NRXN3: variants seen among roughly 807,000 people sequenced by gnomAD.
The protein encoded by NRXN3 is neurexin 3.
Under a neutral mutation model 137.6 loss-of-function variants are expected in NRXN3, and 32 were observed. The observed-to-expected ratio is 0.23, with a 90% CI of 0.18 to 0.31. The LOEUF (loss-of-function observed/expected upper bound fraction) is 0.31. Ranked by LOEUF, NRXN3 falls within the 10% of genes least tolerant of loss-of-function variation. NRXN3 has a pLI of 1.00. For synonymous variants in NRXN3, 798 were observed against 784.5 expected (o/e 1.02, Z -0.29); for missense variants, 1,574 against 2,062.5 (o/e 0.76, Z 4.59).
intron 15 of NRXN3, among the ~76,000 whole-genome samples, chr14:79,102,425 G>A (rs762503110): frequency 1.3e-5 from 2 of 152,094 alleles, no homozygotes; most frequent in Non-Finnish European, 2.9e-5. Flanking sequence ...AAACTTCCTG[G>A]CCTCCTGACT....
chr14:78,217,535 T>G (rs1418049823), intron 1 of NRXN3, among the ~76,000 whole-genome samples: 1 of 152,226 alleles, frequency 6.6e-6, no homozygotes, highest in African/African-American at 2.4e-5. Flanking sequence ...AAGAGAAGAA[T>G]AATCATGATA....
At chr14:78,508,984 A>T (rs2096054149) in intron 4 of NRXN3, among the ~76,000 whole-genome samples, 1 of 152,178 alleles carries the variant, frequency 6.6e-6, no homozygotes, top group Non-Finnish European at 1.5e-5. Context: ...AAGTGTAAAA[A>T]ATATCATATT....
chr14:78,290,760 C>T (rs1265744375), intron 3 of NRXN3, among the ~76,000 whole-genome samples: 1 of 152,214 alleles, frequency 6.6e-6, no homozygotes, highest in African/African-American at 2.4e-5. Flanking sequence ...CAGACTTCTT[C>T]AGTCTGCATG....
chr14:78,190,652 T>TTTATTTATTTATTTAC (rs1295446008), intron 1 of NRXN3, among the ~76,000 whole-genome samples: 103 of 67,458 alleles, frequency 1.5e-3, no homozygotes, highest in African/African-American at 5.8e-3. Flanking sequence ...TATTTATTTA[T>TTTATTTATTTATTTAC]TTACTTACTT....
chr14:79,797,133 A>C (rs1418186544), intron 19 of NRXN3, among the ~76,000 whole-genome samples: 1 of 152,216 alleles, frequency 6.6e-6, no homozygotes, highest in Non-Finnish European at 1.5e-5. Flanking sequence ...AAATAAAATC[A>C]TATATTCAGA....
In NRXN3 at chr14:78,456,847, TTC is replaced by T. The variant is rs1491427111; in HGVS notation, c.757+158989_757+158990del. ...TTTCTTTCTTTCTTTCTTTCTTTCT[TTC>T]TTTCTTTTTCTCTTTCTTTCTTTCT... On this transcript the variant is annotated intron_variant, in intron 4 of 20. Transcript: ENST00000335750. 1.4e-3 allele frequency among the ~76,000 whole-genome samples: 188 copies of T among 133,728 alleles called. 1 individual carries two copies. The highest frequency in any genetic ancestry group is 0.012 in the East Asian group (55 of 4,494). 87.7% of individuals were successfully genotyped at this position (133,728 alleles called of 152,430 possible).
chr14:78,657,056 A>T (rs1343423302), intron 6 of NRXN3, among the ~76,000 whole-genome samples: 1 of 150,368 alleles, frequency 6.7e-6, no homozygotes, highest in Non-Finnish European at 1.5e-5. Context: ...CAAAAAAAAA[A>T]AAAAAAAAAA....
At chr14:79,225,807 T>G (rs2070752990) in intron 15 of NRXN3, among the ~76,000 whole-genome samples, 1 of 152,182 alleles carries the variant, frequency 6.6e-6, no homozygotes, top group South Asian at 2.1e-4. Flanking sequence ...TTCTTGTGGT[T>G]GAAGGATGGA....
intron 16 of NRXN3, among the ~76,000 whole-genome samples, chr14:79,582,974 C>G (rs1331661417): frequency 6.6e-6 from 1 of 152,100 alleles, no homozygotes; most frequent in Non-Finnish European, 1.5e-5. Flanking sequence ...TCCTTCAGTT[C>G]AATAGCAAAT....
At chr14:79,458,622 G>T (rs2099708684) in intron 15 of NRXN3, among the ~76,000 whole-genome samples, 1 of 152,042 alleles carries the variant, frequency 6.6e-6, no homozygotes, top group Non-Finnish European at 1.5e-5. Context: ...AAGCATTCTG[G>T]ATTTCCATTT....
At chr14:78,965,174 C>A (rs899460160) in intron 11 of NRXN3, among the ~76,000 whole-genome samples, 19 of 152,172 alleles carry the variant, frequency 1.2e-4, no homozygotes, top group African/African-American at 4.6e-4. Context: ...CCAGCAAGAG[C>A]TCTGGAACTG....
chr14:79,640,509 G>C (rs2153957406), intron 16 of NRXN3, among the ~76,000 whole-genome samples: 1 of 135,376 alleles, frequency 7.4e-6, no homozygotes, highest in Non-Finnish European at 1.7e-5. Flanking sequence ...TGATGCTGTT[G>C]CTCATTTTGC....
chr14:78,467,484 A>G (rs2095142437), intron 4 of NRXN3, among the ~76,000 whole-genome samples: 2 of 152,236 alleles, frequency 1.3e-5, no homozygotes, highest in Non-Finnish European at 1.5e-5. Context: ...TGAATATAGT[A>G]CTAACTGCTA....
chr14:79,652,617 T>G (rs1283994402), intron 16 of NRXN3, among the ~76,000 whole-genome samples: 2 of 152,174 alleles, frequency 1.3e-5, no homozygotes, highest in Non-Finnish European at 2.9e-5. Flanking sequence ...GCACATAGCT[T>G]TGAAATAATT....
At chr14:79,328,380 T>C (rs911501446) in intron 15 of NRXN3, among the ~76,000 whole-genome samples, 4 of 152,178 alleles carry the variant, frequency 2.6e-5, no homozygotes, top group African/African-American at 9.6e-5. Context: ...ATGCAGGTGA[T>C]CATGTTAGAA....
intron 1 of NRXN3, among the ~76,000 whole-genome samples, chr14:78,183,528 A>G (rs1040788706): frequency 2.0e-5 from 3 of 152,212 alleles, no homozygotes; most frequent in African/African-American, 7.2e-5. Context: ...AGATGTGTCA[A>G]TGGGGCATGA....
At chr14:79,671,253 T>C (rs866704876) in intron 17 of NRXN3, among the ~76,000 whole-genome samples, 7 of 152,148 alleles carry the variant, frequency 4.6e-5, no homozygotes, top group Admixed American at 1.3e-4. Flanking sequence ...GACTTAAGAG[T>C]CTTAATGTTT....
intron 19 of NRXN3, among the ~76,000 whole-genome samples, chr14:79,773,215 T>C (rs1253131586): frequency 6.6e-6 from 1 of 152,202 alleles, no homozygotes; most frequent in Non-Finnish European, 1.5e-5. Flanking sequence ...TGGAAGTCAG[T>C]GTGGCGATTC....
chr14:78,272,838 A>G (rs1410958392), intron 2 of NRXN3, among the ~76,000 whole-genome samples: 2 of 152,186 alleles, frequency 1.3e-5, no homozygotes, highest in Non-Finnish European at 2.9e-5. Context: ...TCTACCTGTT[A>G]GGGTTTTAAT....
Sources: gnomAD v4.1 joint callset for allele counts (sites outside exome capture counted in the v4.1 genomes callset) on GRCh38, gnomAD v4.1.1 for gene constraint, MANE v1.5 for transcripts, NCBI Gene and HGNC (gene_info 2026-07-23, HGNC 2026-07-21) for gene names.